The following BCCIP variants were observed in gnomAD, a reference collection of about 807,000 sequenced individuals.
The protein encoded by BCCIP is BRCA2 and CDKN1A interacting protein.
In BCCIP, 23 loss-of-function variants were observed where a neutral mutation model predicts 32.8. That is an observed-to-expected ratio of 0.70 (90% confidence interval 0.51 to 0.99). BCCIP has a LOEUF of 0.99. BCCIP is among the 50% of genes least tolerant of loss of function. The pLI is 0.00. For missense variants in BCCIP, 378 were observed against 379.8 expected, an observed-to-expected ratio of 1.00 and a Z score of 0.04; for synonymous variants, 144 against 137.6, an observed-to-expected ratio of 1.05 and a Z score of -0.33.
chr10:125,847,248 G>T (rs1944033662), downstream of BCCIP, among the ~76,000 whole-genome samples: 2 of 151,946 alleles, frequency 1.3e-5, no homozygotes, highest in South Asian at 4.2e-4. Context: ...GGGAGGGAGG[G>T]GAACCTAGAG....
intron 3 of BCCIP, among the ~76,000 whole-genome samples, chr10:125,828,095 C>T (rs976018379): frequency 3.3e-5 from 5 of 151,528 alleles, no homozygotes; most frequent in African/African-American, 4.9e-5. Flanking sequence ...TGCAGTAGTC[C>T]AGGTGGGGGC....
chr10:125,841,344 C>T (rs758684930), downstream of BCCIP: 1 of 1,613,964 alleles, frequency 6.2e-7, no homozygotes, highest in South Asian at 1.1e-5. Context: ...GGTCTGTTCC[C>T]CCAGTATTAG....
downstream of BCCIP, among the ~76,000 whole-genome samples, chr10:125,845,935 CA>C (rs1944011934): frequency 1.3e-5 from 2 of 152,258 alleles, no homozygotes; most frequent in African/African-American, 4.8e-5. Context: ...AGACCTTTGA[CA>C]GCCACAGGCA....
downstream of BCCIP, chr10:125,841,328 A>G (rs765568971): frequency 5.0e-6 from 8 of 1,614,090 alleles, no homozygotes; most frequent in South Asian, 8.8e-5. Flanking sequence ...ATACAGCACA[A>G]TGGTTGGTCT....
At chr10:125,824,058 T>A (rs1564815408) in intron 1 of BCCIP, among the ~76,000 whole-genome samples, 2 of 152,182 alleles carry the variant, frequency 1.3e-5, no homozygotes, top group Non-Finnish European at 2.9e-5. Context: ...GGGGGCCCTC[T>A]CCCCTCGGGG....
chr10:125,853,309 T>C, exon 8 of BCCIP: 1 of 891,120 alleles, frequency 1.1e-6, no homozygotes, highest in South Asian at 2.6e-5. Context: ...CACCTAGTAA[T>C]GGTAAATTAG....
chr10:125,850,288 T>A (rs1944073452), intron 7 of BCCIP, among the ~76,000 whole-genome samples: 2 of 151,662 alleles, frequency 1.3e-5, no homozygotes, highest in African/African-American at 4.8e-5. Flanking sequence ...CTGCAGAATC[T>A]TTAATTCCTC....
chr10:125,836,460 G>T lies in BCCIP; in HGVS notation c.*186G>T. 2.9e-6 allele frequency: 4 copies of T among 1,402,178 alleles called. No individual in the cohort carries two copies. Among genetic ancestry groups the T allele is most frequent in the Non-Finnish European group, 2.8e-6 (3 of 1,081,194 alleles). The allele number at this position is 1,402,178 out of a possible 1,614,324, so 86.9% of individuals were successfully genotyped here. On this transcript the variant is annotated 3_prime_UTR_variant, in exon 7 of 7. Coordinates refer to ENST00000278100, the MANE Select transcript of BCCIP (RefSeq NM_078468.3). ...TTAAAATTTTGGTCAAATTATGAGTGGTTGATTTAAAAACTTTTCCAAGAA... is the reference window on the plus strand; with the variant it reads ...TTAAAATTTTGGTCAAATTATGAGTTGTTGATTTAAAAACTTTTCCAAGAA...
intron 1 of BCCIP, among the ~76,000 whole-genome samples, chr10:125,824,341 CTTA>C (rs1854299361): frequency 6.6e-6 from 1 of 152,166 alleles, no homozygotes; most frequent in African/African-American, 2.4e-5. Flanking sequence ...AATATAGGTA[CTTA>C]TTATTTGTTT....
At chr10:125,826,513 C>G (rs1193692742) in intron 1 of BCCIP, 78 bp from the exon 2 acceptor site, 2 of 1,582,494 alleles carry the variant, frequency 1.3e-6, no homozygotes, top group East Asian at 4.5e-5. Flanking sequence ...AGATGGCAAT[C>G]TTGGCAATGT....
chr10:125,848,028 A>G (rs1423505596), intron 7 of BCCIP, among the ~76,000 whole-genome samples: 1 of 152,198 alleles, frequency 6.6e-6, no homozygotes. Flanking sequence ...GCATTAATGT[A>G]TATACACATT....
chr10:125,850,503 A>G (rs902832265), intron 7 of BCCIP, among the ~76,000 whole-genome samples: 3 of 151,890 alleles, frequency 2.0e-5, no homozygotes, highest in African/African-American at 2.4e-5. Context: ...GATTACAGGC[A>G]TGCACTACCA....
intron 3 of BCCIP, among the ~76,000 whole-genome samples, chr10:125,830,294 T>C (rs1201034443): frequency 1.3e-5 from 2 of 152,210 alleles, no homozygotes; most frequent in East Asian, 3.8e-4. Flanking sequence ...GAAATTTCAA[T>C]CTGTTCAGAA....
At chr10:125,839,163 A>G (rs773951993), downstream of BCCIP, 29 of 1,614,128 alleles carry the variant, frequency 1.8e-5, no homozygotes, top group Non-Finnish European at 2.4e-5. Flanking sequence ...TGAGGAAGTA[A>G]TCACGACACC....
intron 7 of BCCIP, among the ~76,000 whole-genome samples, chr10:125,848,996 G>A (rs1944057696): frequency 6.6e-6 from 1 of 152,160 alleles, no homozygotes; most frequent in South Asian, 2.1e-4. Flanking sequence ...AAGAGCCTGT[G>A]CCTTTTGGCA....
downstream of BCCIP, among the ~76,000 whole-genome samples, chr10:125,844,206 G>A (rs535712562): frequency 4.6e-5 from 7 of 152,338 alleles, no homozygotes; most frequent in East Asian, 7.7e-4. Context: ...GCTGGAGAAG[G>A]TACAAGAAGC....
In BCCIP at chr10:125,836,285, A is replaced by G. The variant is rs771384114; in HGVS notation, c.*11A>G. On this transcript the variant is annotated 3_prime_UTR_variant, in exon 7 of 7. Coordinates refer to ENST00000278100, the MANE Select transcript of BCCIP (RefSeq NM_078468.3). ...TATCTATCTGTCTAACCCATTTCCA[A>G]TGGACAGTGATGGGCTTGTTTTTGT... The G allele has an allele frequency of 8.1e-6, 13 of 1,613,992 alleles. No homozygotes were observed. Among genetic ancestry groups the G allele is most frequent in the South Asian group, 1.1e-5 (1 of 91,032 alleles).
chr10:125,841,909 C>T (rs778629239), exon 7 of BCCIP: 27 of 1,601,652 alleles, frequency 1.7e-5, no homozygotes, highest in Non-Finnish European at 2.0e-5. Flanking sequence ...CTAAGTCTTC[C>T]AATGCCTGCA....
intron 1 of BCCIP, chr10:125,826,341 A>C: frequency 2.1e-6 from 1 of 476,688 alleles, no homozygotes; most frequent in Non-Finnish European, 3.5e-6. Context: ...ATTTTTGCCC[A>C]CCCTTGTAAT....
Sources: allele counts gnomAD v4.1 joint callset (sites outside exome capture counted in the v4.1 genomes callset), GRCh38; gene constraint gnomAD v4.1.1; transcripts MANE v1.5; gene names NCBI Gene and HGNC (gene_info 2026-07-23, HGNC 2026-07-21).